NAALADL2: variants seen among roughly 807,000 people sequenced by gnomAD.
NAALADL2 encodes the protein N-acetylated alpha-linked acidic dipeptidase like 2.
Under a neutral mutation model 87.2 loss-of-function variants are expected in NAALADL2, and 76 were observed. The ratio of observed to expected loss-of-function variants is 0.87; its 90% confidence interval spans 0.72 to 1.05. NAALADL2 has a LOEUF of 1.05. Ranked by LOEUF, NAALADL2 falls within the 50% of genes least tolerant of loss-of-function variation. The pLI, the probability that NAALADL2 is intolerant of heterozygous loss-of-function variation, is 0.00. For missense variants in NAALADL2, 1,089 were observed against 945.8 expected, an observed-to-expected ratio of 1.15 and a Z score of -1.99; for synonymous variants, 354 against 331.0, an observed-to-expected ratio of 1.07 and a Z score of -0.75.
intron 1 of NAALADL2, among the ~76,000 whole-genome samples, chr3:175,047,425 T>C (rs1754819838): frequency 6.6e-6 from 1 of 152,214 alleles, no homozygotes; most frequent in African/African-American, 2.4e-5. Context: ...AGGTCTGTAA[T>C]AAGTTTATTC....
At chr3:175,137,240 CA>C (rs1248050115) in intron 2 of NAALADL2, among the ~76,000 whole-genome samples, 2 of 152,022 alleles carry the variant, frequency 1.3e-5, no homozygotes, top group Non-Finnish European at 2.9e-5. Context: ...CCATAATTAG[CA>C]CATTGATTGA....
chr3:175,723,767 A>G (rs1235132647), intron 11 of NAALADL2, among the ~76,000 whole-genome samples: 1 of 147,568 alleles, frequency 6.8e-6, no homozygotes, highest in Non-Finnish European at 1.5e-5. Context: ...TTTCTCCTTT[A>G]AAAAAATCCT....
intron 1 of NAALADL2, among the ~76,000 whole-genome samples, chr3:174,920,048 C>CT (rs1400802045): frequency 3.9e-5 from 6 of 152,154 alleles, no homozygotes; most frequent in Non-Finnish European, 5.9e-5. Flanking sequence ...AACATGTATG[C>CT]TATCATTCAG....
intron 13 of NAALADL2, among the ~76,000 whole-genome samples, chr3:175,765,097 A>G (rs1748518856): frequency 6.6e-6 from 1 of 152,140 alleles, no homozygotes; most frequent in African/African-American, 2.4e-5. Context: ...GAATTACCAT[A>G]ATGCTTTTAA....
At chr3:175,513,668 T>G (rs1731466344) in intron 9 of NAALADL2, among the ~76,000 whole-genome samples, 1 of 152,238 alleles carries the variant, frequency 6.6e-6, no homozygotes, top group Non-Finnish European at 1.5e-5. Context: ...CTGTCCTTTC[T>G]AAAATGGGAA....
At chr3:175,704,649 A>G (rs995321904) in intron 11 of NAALADL2, among the ~76,000 whole-genome samples, 3 of 152,116 alleles carry the variant, frequency 2.0e-5, no homozygotes, top group Non-Finnish European at 4.4e-5. Flanking sequence ...CTTTCCACAT[A>G]CAAACATATG....
rs146887014 is a variant in NAALADL2 at position 175,742,823 on chromosome 3, G to T, written c.1990+5424G>T. On this transcript the variant is annotated intron_variant, in intron 12 of 13. Coordinates refer to ENST00000454872, the MANE Select transcript of NAALADL2 (RefSeq NM_207015.3). ...CAGAAGTATGATTAGAAGACAAAAA[G>T]ATATGATCTAATTGTAATAAGTTGG... Among the ~76,000 whole-genome samples, 8 of 152,246 alleles carry T rather than the reference G, an allele frequency of 5.3e-5. No homozygotes were observed. In the East Asian group the frequency reaches 1.5e-3, roughly 29 times the overall value.
chr3:175,442,529 C>A (rs1459147943), intron 5 of NAALADL2, among the ~76,000 whole-genome samples: 2 of 152,124 alleles, frequency 1.3e-5, no homozygotes, highest in South Asian at 4.1e-4. Flanking sequence ...AGTGAAGACA[C>A]TTTGGTGTCA....
At chr3:175,780,890 G>A (rs1023588544) in intron 13 of NAALADL2, among the ~76,000 whole-genome samples, 5 of 152,042 alleles carry the variant, frequency 3.3e-5, no homozygotes, top group African/African-American at 4.8e-5. Context: ...TATTATTTTT[G>A]TGCCTTCCTT....
At chr3:175,043,722 TTC>T (rs1393290417) in intron 1 of NAALADL2, among the ~76,000 whole-genome samples, 2 of 152,222 alleles carry the variant, frequency 1.3e-5, no homozygotes, top group Non-Finnish European at 2.9e-5. Flanking sequence ...CTCATTTCTC[TTC>T]TGTTAGTCTA....
intron 11 of NAALADL2, among the ~76,000 whole-genome samples, chr3:175,693,229 CACAG>C (rs1266284913): frequency 4.6e-5 from 7 of 152,174 alleles, no homozygotes; most frequent in African/African-American, 1.4e-4. Flanking sequence ...GGCCCCATCA[CACAG>C]ACACAGTTTA....
At chr3:175,410,894 A>G (rs1252218480) in intron 5 of NAALADL2, among the ~76,000 whole-genome samples, 1 of 152,230 alleles carries the variant, frequency 6.6e-6, no homozygotes, top group African/African-American at 2.4e-5. Flanking sequence ...AGTAAAGGAG[A>G]GCAGGATGTA....
At position 174,784,706 on chromosome 3, in the gene NAALADL2, C is replaced by T. The variant is rs146867272; in HGVS notation, c.-9+46960C>T. ...CAGATGTGAATGAATACTCCTTATC[C>T]GTTGGACCAAATGTGAGTAATTCTT... On this transcript the variant is annotated intron_variant, in intron 3 of 3. Transcript: ENST00000434257. Among the ~76,000 whole-genome samples, 200 of 152,228 alleles carry T rather than the reference C, an allele frequency of 1.3e-3. 1 individual carries two copies. The highest frequency in any genetic ancestry group is 4.3e-3 in the African/African-American group (180 of 41,552).
intron 10 of NAALADL2, among the ~76,000 whole-genome samples, chr3:175,624,547 T>A (rs979573179): frequency 6.6e-6 from 1 of 152,054 alleles, no homozygotes; most frequent in Admixed American, 6.6e-5. Flanking sequence ...TTTTATTATT[T>A]CTTTGTAGTT....
intron 11 of NAALADL2, among the ~76,000 whole-genome samples, chr3:175,732,240 A>G (rs944306216): frequency 5.3e-5 from 8 of 152,206 alleles, no homozygotes; most frequent in African/African-American, 1.4e-4. Context: ...AGAAAAATGC[A>G]TAGTTATTTA....
intron 4 of NAALADL2, among the ~76,000 whole-genome samples, chr3:175,285,012 G>T (rs1345313984): frequency 6.6e-6 from 1 of 152,074 alleles, no homozygotes; most frequent in Non-Finnish European, 1.5e-5. Context: ...GCTTCTATGG[G>T]ATACTTTGCC....
intron 1 of NAALADL2, among the ~76,000 whole-genome samples, chr3:175,062,221 AG>A (rs1713650151): frequency 6.6e-6 from 1 of 152,172 alleles, no homozygotes; most frequent in African/African-American, 2.4e-5. Flanking sequence ...GGAAAACTGC[AG>A]GAGCTTGTTT....
intron 2 of NAALADL2, among the ~76,000 whole-genome samples, chr3:175,163,670 A>G (rs963409738): frequency 2.0e-5 from 3 of 152,138 alleles, no homozygotes; most frequent in African/African-American, 7.2e-5. Flanking sequence ...CTATAGTCCT[A>G]ATATTTTTTC....
At chr3:174,550,317 G>A (rs189907450) in intron 1 of NAALADL2, among the ~76,000 whole-genome samples, 1 of 152,024 alleles carries the variant, frequency 6.6e-6, no homozygotes, top group East Asian at 1.9e-4. Context: ...TAAAAAATAT[G>A]GGGAAAAATC....
Sources: gnomAD v4.1 joint callset for allele counts (sites outside exome capture counted in the v4.1 genomes callset) on GRCh38, gnomAD v4.1.1 for gene constraint, MANE v1.5 for transcripts, NCBI Gene and HGNC (gene_info 2026-07-23, HGNC 2026-07-21) for gene names.